The following NCR1 variants were observed in gnomAD, a reference collection of about 807,000 sequenced individuals.
The protein encoded by NCR1 is NK cell-activating receptor.
Under a neutral mutation model 32.5 loss-of-function variants are expected in NCR1, and 30 were observed. That is an observed-to-expected ratio of 0.92 (90% CI 0.69 to 1.25). The LOEUF (loss-of-function observed/expected upper bound fraction) is 1.25, where lower values mean the gene tolerates loss of function less well. Ranked by LOEUF, NCR1 falls within the 50% of genes most tolerant of loss-of-function variation. The pLI, the probability that NCR1 is intolerant of heterozygous loss-of-function variation, is 0.00. For missense variants in NCR1, 369 were observed against 380.7 expected (o/e 0.97, Z 0.26); for synonymous variants, 169 against 143.4 (o/e 1.18, Z -1.28).
intron 5 of NCR1, among the ~76,000 whole-genome samples, chr19:54,910,865 C>A (rs1013158666): frequency 6.6e-6 from 1 of 152,152 alleles, no homozygotes; most frequent in Non-Finnish European, 1.5e-5. Context: ...TGAGCAAATG[C>A]GTTCAGACTT....
chr19:54,929,535 A>G, the NCR1 span, among the ~76,000 whole-genome samples: 4 of 152,276 alleles, frequency 2.6e-5, no homozygotes, highest in East Asian at 1.9e-4. Context: ...GAAGTGATGA[A>G]GAGCTCGCCA....
the NCR1 span, chr19:54,934,438 T>C: frequency 6.3e-7 from 1 of 1,593,216 alleles, no homozygotes. The surrounding 1 kb of genome is among the most constrained non-coding windows in gnomAD (Gnocchi z 6.7). Flanking sequence ...CCCTTTCTCT[T>C]CTATAGCCCC....
the NCR1 span, among the ~76,000 whole-genome samples, chr19:54,924,569 A>G: frequency 6.6e-6 from 1 of 152,174 alleles, no homozygotes. Context: ...GGTTGCAACG[A>G]GCTAGAGATT....
the NCR1 span, among the ~76,000 whole-genome samples, chr19:54,899,248 A>G: frequency 0.087 from 13,297 of 152,118 alleles, 821 homozygotes; most frequent in African/African-American, 0.18. Flanking sequence ...AACCACTGTC[A>G]AGTTTGTATT....
chr19:54,907,891 A>G (rs752012016), intron 3 of NCR1, among the ~76,000 whole-genome samples: 1 of 152,040 alleles, frequency 6.6e-6, no homozygotes, highest in South Asian at 2.1e-4. Context: ...GTTGAAATAT[A>G]TATATTTTTT....
the NCR1 span, among the ~76,000 whole-genome samples, chr19:54,923,137 G>T: frequency 6.6e-6 from 1 of 152,196 alleles, no homozygotes; most frequent in Non-Finnish European, 1.5e-5. Context: ...GGCTGCCCAT[G>T]GCCCACGAGC....
At chr19:54,934,026 C>T in the NCR1 span, among the ~76,000 whole-genome samples, 12 of 152,148 alleles carry the variant, frequency 7.9e-5, no homozygotes, top group African/African-American at 1.7e-4. This position sits in a 1 kb window ranked among gnomAD's most constrained non-coding sequence, Gnocchi z 6.7. Flanking sequence ...CACTGCCAAT[C>T]GCCGCCTCCC....
At chr19:54,918,006 G>A (rs185132862), downstream of NCR1, among the ~76,000 whole-genome samples, 1 of 152,140 alleles carries the variant, frequency 6.6e-6, no homozygotes, top group East Asian at 1.9e-4. Flanking sequence ...GCCCAGGCTG[G>A]ACTGCAGTGG....
At chr19:54,900,421 G>A in the NCR1 span, among the ~76,000 whole-genome samples, 1 of 152,178 alleles carries the variant, frequency 6.6e-6, no homozygotes, top group South Asian at 2.1e-4. Context: ...TTTTGAGCCG[G>A]GATGAGCCAG....
chr19:54,927,611 ATCT>A, the NCR1 span: 2 of 1,614,014 alleles, frequency 1.2e-6, no homozygotes, highest in African/African-American at 1.3e-5. Context: ...ATACCTGAGT[ATCT>A]TCAAGGATCC....
At chr19:54,920,433 C>G (rs369471891), downstream of NCR1, among the ~76,000 whole-genome samples, 2 of 152,170 alleles carry the variant, frequency 1.3e-5, no homozygotes, top group African/African-American at 4.8e-5. Flanking sequence ...AAGCCCTACC[C>G]CAGATGTGAC....
the NCR1 span, among the ~76,000 whole-genome samples, chr19:54,928,811 G>GT: frequency 0.55 from 83,924 of 151,280 alleles, 23,506 homozygotes; most frequent in East Asian, 0.72. Context: ...CTTTGGTTTT[G>GT]TTTTTTTTAA....
chr19:54,933,554 C>A, the NCR1 span: 4 of 1,613,546 alleles, frequency 2.5e-6, no homozygotes, highest in Admixed American at 3.3e-5. Context: ...ACACACACAC[C>A]CAGCAGGGAC....
chr19:54,911,231 C>A (rs998635595), intron 5 of NCR1, among the ~76,000 whole-genome samples: 3 of 151,652 alleles, frequency 2.0e-5, no homozygotes, highest in Admixed American at 6.6e-5. Flanking sequence ...CGCCTGTAGT[C>A]CCAGCTACGC....
At chr19:54,935,235 A>C in the NCR1 span, among the ~76,000 whole-genome samples, 1 of 151,810 alleles carries the variant, frequency 6.6e-6, no homozygotes, top group Non-Finnish European at 1.5e-5. Flanking sequence ...GGGGAAAAAA[A>C]AATTTTTTTT....
chr19:54,924,344 C>G, the NCR1 span, among the ~76,000 whole-genome samples: 2 of 152,196 alleles, frequency 1.3e-5, no homozygotes. Flanking sequence ...AGATTATGGC[C>G]AGGCACGGTG....
At chr19:54,930,467 A>C in the NCR1 span, 1 of 1,509,262 alleles carries the variant, frequency 6.6e-7, no homozygotes, top group Non-Finnish European at 9.2e-7. Context: ...GTCTCAAAAA[A>C]AGAAAGAAAG....
chr19:54,903,003 G>A (rs950793623), upstream of NCR1, among the ~76,000 whole-genome samples: 3 of 151,994 alleles, frequency 2.0e-5, no homozygotes, highest in Admixed American at 6.6e-5. Context: ...GGTGGCACAC[G>A]CCTGTAATCC....
the NCR1 span, chr19:54,934,723 T>G: frequency 9.7e-5 from 134 of 1,378,344 alleles, 1 homozygote; most frequent in Middle Eastern, 2.6e-4. The surrounding 1 kb of genome is among the most constrained non-coding windows in gnomAD (Gnocchi z 6.7). Flanking sequence ...CAGCTTTTTT[T>G]TTTTGAGACA....
Sources: allele counts gnomAD v4.1 joint callset (sites outside exome capture counted in the v4.1 genomes callset), GRCh38; gene constraint gnomAD v4.1.1; non-coding constraint Gnocchi (gnomAD v3.1); transcripts MANE v1.5; gene names NCBI Gene and HGNC (gene_info 2026-07-23, HGNC 2026-07-21).